ADGRA3: variants seen among roughly 807,000 people sequenced by gnomAD.
ADGRA3 encodes the protein adhesion G protein-coupled receptor A3.
ADGRA3 carries 56 observed loss-of-function variants against 119.8 expected under a neutral mutation model. That is an observed-to-expected ratio of 0.47 (90% confidence interval 0.38 to 0.58). ADGRA3 has a LOEUF of 0.58. Ranked by LOEUF, ADGRA3 falls within the 20% of genes least tolerant of loss-of-function variation. The probability of loss-of-function intolerance (pLI) is 0.00; values close to 1 mark genes in which losing one functional copy is unlikely to be tolerated. For synonymous variants in ADGRA3, 607 were observed against 623.8 expected (o/e 0.97, Z 0.40); for missense variants, 1,516 against 1,649.0 (o/e 0.92, Z 1.40).
At chr4:22,473,522 A>C (rs1432899807) in intron 2 of ADGRA3, among the ~76,000 whole-genome samples, 1 of 152,164 alleles carries the variant, frequency 6.6e-6, no homozygotes, top group Non-Finnish European at 1.5e-5. Context: ...CTGCATTCAC[A>C]CTTCAACGGC....
intron 10 of ADGRA3, among the ~76,000 whole-genome samples, chr4:22,432,341 G>A (rs553968668): frequency 2.0e-4 from 31 of 152,182 alleles, no homozygotes; most frequent in African/African-American, 7.2e-4. Flanking sequence ...AACAAATCCA[G>A]CAAGTGATTC....
chr4:22,473,739 A>G, intron 2 of ADGRA3, 33 bp downstream of exon 2: 1 of 1,287,962 alleles, frequency 7.8e-7, no homozygotes, highest in Non-Finnish European at 1.1e-6. Flanking sequence ...ATTAAACAAA[A>G]TAATAATGAG....
intron 12 of ADGRA3, among the ~76,000 whole-genome samples, chr4:22,415,326 A>G (rs1488519639): frequency 1.3e-5 from 2 of 152,160 alleles, no homozygotes; most frequent in Non-Finnish European, 2.9e-5. Context: ...ATACCCATAA[A>G]TATCTTTTCA....
At chr4:22,446,050 T>G (rs1716817619) in intron 5 of ADGRA3, among the ~76,000 whole-genome samples, 1 of 152,184 alleles carries the variant, frequency 6.6e-6, no homozygotes, top group South Asian at 2.1e-4. Context: ...TAAAATAGAA[T>G]GCAACATGTT....
intron 1 of ADGRA3, among the ~76,000 whole-genome samples, chr4:22,499,985 C>T (rs567252480): frequency 2.6e-5 from 4 of 152,202 alleles, no homozygotes; most frequent in South Asian, 2.1e-4. Flanking sequence ...TTGAGCATCC[C>T]GAACCCAAAA....
At chr4:22,406,806 T>C (rs1044665998) in intron 14 of ADGRA3, among the ~76,000 whole-genome samples, 3 of 152,046 alleles carry the variant, frequency 2.0e-5, no homozygotes, top group African/African-American at 7.3e-5. Context: ...ATTGTAGACT[T>C]TGGGGGCCAA....
chr4:22,482,940 C>T (rs1718301697), intron 1 of ADGRA3, among the ~76,000 whole-genome samples: 1 of 152,196 alleles, frequency 6.6e-6, no homozygotes, highest in Non-Finnish European at 1.5e-5. Flanking sequence ...CGTCAATTTT[C>T]AAGCAGAGTC....
chr4:22,434,990 T>C (rs532463295), intron 10 of ADGRA3, among the ~76,000 whole-genome samples: 1 of 152,216 alleles, frequency 6.6e-6, no homozygotes, highest in African/African-American at 2.4e-5. Context: ...AGAAGAGAAA[T>C]CCAGCAGGCT....
rs1560322046 is a variant in ADGRA3, at chr4:22,447,428, A to G, written c.545+12T>C. On this transcript the variant is annotated intron_variant, in intron 5 of 18. Transcript: ENST00000334304. ...ATCAAAAAAAAAAAGAGAGAAAAAA[A>G]TTCTTACTTACAAAGACCGTAATGA... The G allele has an allele frequency of 6.8e-7, 1 of 1,463,882 alleles. No individual in the cohort carries two copies. 90.7% of individuals were successfully genotyped at this position (1,463,882 alleles called of 1,614,324 possible).
intron 3 of ADGRA3, chr4:22,455,659 A>T: frequency 3.8e-6 from 1 of 262,836 alleles, no homozygotes; most frequent in Non-Finnish European, 7.2e-6. Context: ...AGTTTTAGTT[A>T]ATATTTTGTT....
rs191810274 is a variant in ADGRA3 at position 22,492,827 on chromosome 4, G to C, written c.258-18984C>G. Among the ~76,000 whole-genome samples the C allele has an allele frequency of 1.9e-4, 29 of 152,330 alleles. 1 individual carries two copies. Among genetic ancestry groups the C allele is most frequent in the Admixed American group, 1.6e-3 (24 of 15,298 alleles). ...AATAAAAGCATATCCCCATCATCTA[G>C]AGATGACCATTTTAACACCTTAATA... On this transcript the variant is annotated intron_variant, in intron 1 of 18. Coordinates refer to ENST00000334304, the MANE Select transcript of ADGRA3 (RefSeq NM_145290.4).
Position 22,387,536 on chromosome 4 carries a change from A to T in ADGRA3, c.*169T>A. 1.7e-6 allele frequency: 1 copy of T among 601,986 alleles called. No homozygotes were observed. The highest frequency in any genetic ancestry group is 2.7e-6 in the Non-Finnish European group (1 of 370,492). 37.3% of individuals were successfully genotyped at this position (601,986 alleles called of 1,614,324 possible). A position where few individuals can be genotyped will look rare whatever the true frequency, so the allele number is the denominator to read the frequency against. ...GAAAGATTTTGTTTCAGATCCTAAA[A>T]AATAGCAACAATTTGGGGATAAAAA... On this transcript the variant is annotated 3_prime_UTR_variant, in exon 19 of 19. Coordinates refer to ENST00000334304, the MANE Select transcript of ADGRA3 (RefSeq NM_145290.4).
chr4:22,498,006 C>T (rs1198056537), intron 1 of ADGRA3, among the ~76,000 whole-genome samples: 8 of 149,936 alleles, frequency 5.3e-5, no homozygotes, highest in African/African-American at 1.5e-4. Context: ...TTTGGCAGGC[C>T]GAGGCAAGCG....
At chr4:22,508,667 C>A (rs1719329149) in intron 1 of ADGRA3, among the ~76,000 whole-genome samples, 1 of 152,138 alleles carries the variant, frequency 6.6e-6, no homozygotes, top group Non-Finnish European at 1.5e-5. Flanking sequence ...TCTCCCTTGG[C>A]TGCACTCATC....
At chr4:22,507,393 T>C in intron 1 of ADGRA3, among the ~76,000 whole-genome samples, 1 of 152,212 alleles carries the variant, frequency 6.6e-6, no homozygotes, top group East Asian at 1.9e-4. Context: ...TACTGCTTCC[T>C]GAGAGGCAGC....
chr4:22,427,031 G>A (rs183629045), intron 10 of ADGRA3, among the ~76,000 whole-genome samples: 10 of 152,242 alleles, frequency 6.6e-5, no homozygotes, highest in Admixed American at 6.5e-4. Flanking sequence ...AAGTCTTAAT[G>A]GGAATTCACA....
At chr4:22,472,837 T>C (rs1345644697) in intron 2 of ADGRA3, among the ~76,000 whole-genome samples, 1 of 152,148 alleles carries the variant, frequency 6.6e-6, no homozygotes, top group Non-Finnish European at 1.5e-5. Context: ...GGAGACATCT[T>C]ACAGTGTAGC....
chr4:22,387,922 C>G lies in ADGRA3; in HGVS notation c.3749G>C (p.Ser1250Thr). 1 of 1,614,154 alleles carries G rather than the reference C, an allele frequency of 6.2e-7. No homozygotes were observed. The highest frequency in any genetic ancestry group is 8.5e-7 in the Non-Finnish European group (1 of 1,180,014). ...SDACSTLPKS[S>T]RNFEKPVSTT... is the part of the protein sequence containing the mutation. ...TGAAACTGGCTTTTCAAAATTTCTG[C>G]TACTTTTGGGAAGTGTGCTACAAGC... Residue 1250 changes from serine to threonine, a missense_variant, in exon 19 of 19, where the codon AGC becomes ACC. Transcript: ENST00000334304.
chr4:22,397,993 G>A (rs1560295936), intron 16 of ADGRA3: 10 of 768,896 alleles, frequency 1.3e-5, no homozygotes, highest in Non-Finnish European at 1.6e-5. Flanking sequence ...AGTGAGACCT[G>A]CAAGGTAAGT....
Sources: gnomAD v4.1 joint callset for allele counts (sites outside exome capture counted in the v4.1 genomes callset) on GRCh38, gnomAD v4.1.1 for gene constraint, MANE v1.5 for transcripts, NCBI Gene and HGNC (gene_info 2026-07-23, HGNC 2026-07-21) for gene names.